SLC45A2: variants seen among roughly 807,000 people sequenced by gnomAD.
SLC45A2 encodes the protein membrane-associated transporter protein.
In SLC45A2, 36 loss-of-function variants were observed where a neutral mutation model predicts 45.5. The ratio of observed to expected loss-of-function variants is 0.79; its 90% CI spans 0.61 to 1.04. SLC45A2 has a LOEUF of 1.04. Among genes scored for constraint, SLC45A2 ranks in the 50% least tolerant of loss-of-function variants. The pLI, the probability that SLC45A2 is intolerant of heterozygous loss-of-function variation, is 0.00. For missense variants in SLC45A2, 719 were observed against 671.0 expected (o/e 1.07, Z -0.79); for synonymous variants, 306 against 269.3 (o/e 1.14, Z -1.33).
intron 3 of SLC45A2, among the ~76,000 whole-genome samples, chr5:33,958,371 C>T (rs1419790410): frequency 2.0e-5 from 3 of 152,174 alleles, no homozygotes; most frequent in African/African-American, 7.2e-5. Flanking sequence ...GGCCCTGACC[C>T]TGGGGAAGTG....
intron 4 of SLC45A2, among the ~76,000 whole-genome samples, chr5:33,952,204 G>A (rs375476718): frequency 5.3e-5 from 8 of 152,002 alleles, no homozygotes; most frequent in East Asian, 3.9e-4. Flanking sequence ...ATAGGTCACC[G>A]CATCCTTGAA....
At chr5:33,971,834 C>T (rs1428054649) in intron 2 of SLC45A2, among the ~76,000 whole-genome samples, 1 of 152,128 alleles carries the variant, frequency 6.6e-6, no homozygotes, top group African/African-American at 2.4e-5. Flanking sequence ...ACCACATTGG[C>T]CAGGCTGGTC....
At position 33,944,788 on chromosome 5, in the gene SLC45A2, G is replaced by A. The variant is rs771095355; in HGVS notation, c.1453C>T (p.Leu485=). 6.2e-7 allele frequency: 1 copy of A among 1,614,222 alleles called. No individual in the cohort carries two copies. Among genetic ancestry groups the A allele is most frequent in the South Asian group, 1.1e-5 (1 of 91,072 alleles). Residue 485 remains leucine (L), a synonymous_variant, in exon 7 of 7, where the codon CTG becomes TTG. Transcript: ENST00000296589. ...DCATLTCMVQ[L]AQILVGGGLG... is the part of the protein sequence containing the mutation. ...CCACCTCCGACCAGGATCTGAGCCA[G>A]CTGCACCATGCATGTGAGGGTGGCG...
In SLC45A2 at chr5:33,981,851, C is replaced by T. The variant is rs916821849; in HGVS notation, c.562+385G>A. Among the ~76,000 whole-genome samples, 11 of 152,330 alleles carry T rather than the reference C, an allele frequency of 7.2e-5. 1 individual carries two copies. In the South Asian group the frequency reaches 1.9e-3, roughly 26 times the overall value. ...GGGCCCCGCCTTAGACTCACTGAAT[C>T]AGAATAACTGGAGAAGGAGCCCAGG... is the stretch of plus-strand genomic sequence containing the variant. On this transcript the variant is annotated intron_variant, in intron 2 of 6. Coordinates refer to ENST00000296589, the MANE Select transcript of SLC45A2 (RefSeq NM_016180.5).
rs990506314 is a variant in SLC45A2 at position 33,982,504 on chromosome 5, T to A, written c.386-92A>T. ...ACCTAAACTTCTTGCCATAAAATCA[T>A]CTTCCTTGCTTTTATTTTGCTTTTT... is the stretch of plus-strand genomic sequence containing the variant. On this transcript the variant is annotated intron_variant, in intron 1 of 6. Coordinates refer to ENST00000296589, the MANE Select transcript of SLC45A2 (RefSeq NM_016180.5). The A allele has an allele frequency of 3.1e-6, 4 of 1,272,656 alleles. No individual in the cohort carries two copies. In the African/African-American group the frequency reaches 6.0e-5, roughly 19 times the overall value. The allele number at this position is 1,272,656 out of a possible 1,614,324, so 78.8% of individuals were successfully genotyped here.
At chr5:33,968,596 C>A (rs145367487) in intron 2 of SLC45A2, among the ~76,000 whole-genome samples, 89 of 152,310 alleles carry the variant, frequency 5.8e-4, no homozygotes, top group Middle Eastern at 3.4e-3. Flanking sequence ...GTGGCCCATA[C>A]TGGAAGAAGT....
At position 33,947,318 on chromosome 5, in the gene SLC45A2, A is replaced by G; in HGVS notation, c.1213T>C (p.Tyr405His). 4 of 1,614,236 alleles carry G rather than the reference A, an allele frequency of 2.5e-6. No homozygotes were observed. The highest frequency in any genetic ancestry group is 1.3e-5 in the African/African-American group (1 of 75,056). Reference sequence around the variant, plus strand: ...CCCGTCCCCAGGCCAAACAGCAAATATCCCGTGAAGTAAAGACCCTTTAAT... The same window carrying G: ...CCCGTCCCCAGGCCAAACAGCAAATGTCCCGTGAAGTAAAGACCCTTTAAT... The part of the protein sequence containing the change: ...IGLKGLYFTG[Y>H]LLFGLGTGFI... The change falls in exon 6 of 7, where the codon TAT (tyrosine) becomes CAT (histidine). Residue 405 changes from tyrosine (Y) to histidine (H), a missense_variant. Tyr to His is a moderately conservative substitution (Grantham distance 83). Transcript: ENST00000296589.
chr5:33,966,788 A>G (rs1752617860), intron 2 of SLC45A2, among the ~76,000 whole-genome samples: 1 of 152,160 alleles, frequency 6.6e-6, no homozygotes, highest in South Asian at 2.1e-4. Context: ...ATATCAATGA[A>G]TTCAAAAATT....
intron 2 of SLC45A2, chr5:33,972,114 T>C (rs1243624575): frequency 1.9e-6 from 1 of 517,638 alleles, no homozygotes; most frequent in African/African-American, 1.9e-5. Flanking sequence ...GCTCATTGGA[T>C]CAGAGAAATG....
chr5:33,982,430 A>G lies in SLC45A2; in HGVS notation c.386-18T>C. The stretch of plus-strand genomic sequence containing the variant: ...AATCAAAGCTAAAAGAAAAATAAAC[A>G]TTGGTCTCCTAAATCCTGTTTTAGA... On this transcript the variant is annotated intron_variant, in intron 1 of 6. Transcript: ENST00000296589. 10 of 1,612,004 alleles carry G rather than the reference A, an allele frequency of 6.2e-6. No individual in the cohort carries two copies. Among genetic ancestry groups the G allele is most frequent in the Non-Finnish European group, 8.5e-6 (10 of 1,178,522 alleles).
chr5:33,976,239 T>C (rs1752926246), intron 2 of SLC45A2, among the ~76,000 whole-genome samples: 1 of 152,134 alleles, frequency 6.6e-6, no homozygotes. Flanking sequence ...TCAACCTGGA[T>C]TTTTGGGTGG....
intron 5 of SLC45A2, among the ~76,000 whole-genome samples, chr5:33,948,326 T>C (rs969057538): frequency 6.6e-6 from 1 of 152,252 alleles, no homozygotes; most frequent in African/African-American, 2.4e-5. Context: ...TTTTCTACAA[T>C]GGCAAGGAAA....
chr5:33,962,372 A>T (rs1421384086), intron 3 of SLC45A2, among the ~76,000 whole-genome samples: 4 of 152,210 alleles, frequency 2.6e-5, no homozygotes, highest in Admixed American at 6.5e-5. Context: ...GAAGTTTGAA[A>T]AAGTGTCTTT....
At chr5:33,945,656 T>C (rs572329672) in intron 6 of SLC45A2, among the ~76,000 whole-genome samples, 1 of 151,688 alleles carries the variant, frequency 6.6e-6, no homozygotes, top group South Asian at 2.1e-4. Flanking sequence ...TTTGAGTCTT[T>C]GTCGGGTGCT....
chr5:33,945,693 C>T (rs1312999388), intron 6 of SLC45A2, among the ~76,000 whole-genome samples: 1 of 152,090 alleles, frequency 6.6e-6, no homozygotes, highest in Non-Finnish European at 1.5e-5. Context: ...AGCACATCCA[C>T]TAATTTGTTT....
intron 2 of SLC45A2, among the ~76,000 whole-genome samples, chr5:33,965,097 C>T (rs1019409227): frequency 6.6e-6 from 1 of 152,164 alleles, no homozygotes; most frequent in African/African-American, 2.4e-5. Context: ...TGCCTACCAA[C>T]CACAACTTAT....
At chr5:33,948,626 C>G (rs965459610) in intron 5 of SLC45A2, among the ~76,000 whole-genome samples, 4 of 152,182 alleles carry the variant, frequency 2.6e-5, no homozygotes, top group African/African-American at 9.7e-5. Context: ...ACATTGCTTC[C>G]TCTATTAAAC....
rs141286272 is a variant in SLC45A2, at chr5:33,947,323, G to C, written c.1208C>G (p.Thr403Arg). 15 of 1,614,188 alleles carry C rather than the reference G, an allele frequency of 9.3e-6. 1 individual carries two copies. The highest frequency in any genetic ancestry group is 1.1e-5 in the Non-Finnish European group (13 of 1,180,036). Residue 403 changes from threonine to arginine, a missense_variant, in exon 6 of 7, where the codon ACG becomes AGG. Physicochemically the swap from Thr to Arg is moderately conservative, Grantham distance 71. Transcript: ENST00000296589. ...SYIGLKGLYFTGYLLFGLGTG... is the reference protein window; with the variant it reads ...SYIGLKGLYFRGYLLFGLGTG... ...CCCCAGGCCAAACAGCAAATATCCC[G>C]TGAAGTAAAGACCCTTTAATCCAAT... is the stretch of plus-strand genomic sequence containing the variant.
chr5:33,948,639 A>T (rs979544875), intron 5 of SLC45A2, among the ~76,000 whole-genome samples: 5 of 152,258 alleles, frequency 3.3e-5, no homozygotes, highest in African/African-American at 1.2e-4. Context: ...TATTAAACTT[A>T]TACCATGACT....
Sources: gnomAD v4.1 joint callset for allele counts (sites outside exome capture counted in the v4.1 genomes callset) on GRCh38, gnomAD v4.1.1 for gene constraint, MANE v1.5 for transcripts, NCBI Gene and HGNC (gene_info 2026-07-23, HGNC 2026-07-21) for gene names.